The following IFI44L variants were observed in gnomAD, a reference collection of about 807,000 sequenced individuals.
The protein encoded by IFI44L is interferon-induced protein 44-like.
A neutral mutation model predicts 39.3 loss-of-function variants in IFI44L; 40 were observed. The observed-to-expected ratio is 1.02, with a 90% confidence interval of 0.79 to 1.33. The LOEUF (loss-of-function observed/expected upper bound fraction) is 1.33, where lower values mean the gene tolerates loss of function less well. Ranked by LOEUF, IFI44L falls within the 40% of genes most tolerant of loss-of-function variation. The pLI is 0.00. For synonymous variants in IFI44L, 198 were observed against 182.3 expected, an observed-to-expected ratio of 1.09 and a Z score of -0.69; for missense variants, 623 against 549.0, an observed-to-expected ratio of 1.13 and a Z score of -1.35.
In IFI44L at chr1:78,627,986, T is replaced by C. The variant is rs372018582; in HGVS notation, c.71T>C (p.Leu24Ser). 1 of 1,611,382 alleles carries C rather than the reference T, an allele frequency of 6.2e-7. No homozygotes were observed. Among genetic ancestry groups the C allele is most frequent in the Admixed American group, 1.7e-5 (1 of 59,560 alleles). The change falls in exon 2 of 9, where the codon TTG becomes TCG. Residue 24 changes from leucine to serine, a missense_variant. Transcript: ENST00000370751. The part of the protein sequence containing the change: ...HLRKLLGNVS[L>S]SLLYKSSVHG... ...CGCAAGCTGCTTGGAAATGTTTCTT[T>C]GAGTCTTCTCTATAAGTCTAGTGTT...
At position 78,642,170 on chromosome 1, in the gene IFI44L, C is replaced by T. The variant is rs1646994798; in HGVS notation, c.*361C>T. On this transcript the variant is annotated 3_prime_UTR_variant, in exon 9 of 9. Transcript: ENST00000370751. The stretch of plus-strand genomic sequence containing the variant: ...AGTTATAAAATTATTGTATAGACAT[C>T]TGCTTCTTAAACAGATTGTGAGTTC... The T allele has an allele frequency of 3.9e-6, 1 of 254,436 alleles. No individual in the cohort carries two copies. The highest frequency in any genetic ancestry group is 5.0e-5 in the Admixed American group (1 of 20,110). The allele number at this position is 254,436 out of a possible 1,614,324, so 15.8% of individuals were successfully genotyped here. A position where few individuals can be genotyped will look rare whatever the true frequency, so the allele number is the denominator to read the frequency against.
At chr1:78,622,567 C>T (rs114147615) in intron 1 of IFI44L, among the ~76,000 whole-genome samples, 2,428 of 152,050 alleles carry the variant, frequency 0.016, 63 homozygotes, top group African/African-American at 0.055. Flanking sequence ...TGTATAATCC[C>T]CCCTTGTCTG....
chr1:78,636,935 A>G, intron 5 of IFI44L, 97 bp from the exon 6 acceptor site: 2 of 842,818 alleles, frequency 2.4e-6, no homozygotes, highest in Non-Finnish European at 3.7e-6. Context: ...AGAAAGAGGG[A>G]GATCAGTAGT....
chr1:78,636,064 C>A (rs1652940328), intron 5 of IFI44L: 1 of 148,390 alleles, frequency 6.7e-6, no homozygotes, highest in African/African-American at 2.5e-5. Context: ...AGTTTAAGTT[C>A]TCAAAAAAGC....
Position 78,637,184 on chromosome 1 carries a change from C to T in IFI44L, c.1029C>T (p.His343=). The change falls in exon 6 of 9, where the codon CAC becomes CAT. Residue 343 remains histidine (H), a synonymous_variant. Transcript: ENST00000370751. ...SKMLAKVKQV[H]KEVLNCGIAY... Reference sequence around the variant, plus strand: ...TGTTGGCAAAAGTGAAGCAAGTTCACAAAGAAGTATTAAACTGTGGTGAGT... The same window carrying T: ...TGTTGGCAAAAGTGAAGCAAGTTCATAAAGAAGTATTAAACTGTGGTGAGT... 6.2e-7 allele frequency: 1 copy of T among 1,606,770 alleles called. No homozygotes were observed. The highest frequency in any genetic ancestry group is 1.3e-5 in the African/African-American group (1 of 74,358).
In IFI44L at chr1:78,645,288, T is replaced by C. The variant is rs1484846259; in HGVS notation, c.*3479T>C. On this transcript the variant is annotated 3_prime_UTR_variant, in exon 9 of 9. Coordinates refer to ENST00000370751, the MANE Select transcript of IFI44L (RefSeq NM_006820.4). ...AAGAATGTGTATTGTTCAGGACAAC[T>C]TGTCTCCATACAGTTGGGTTGTAAC... 6.6e-6 allele frequency: 1 copy of C among 152,190 alleles called. No homozygotes were observed. Among genetic ancestry groups the C allele is most frequent in the Non-Finnish European group, 1.5e-5 (1 of 68,036 alleles). The allele number at this position is 152,190 out of a possible 1,614,324, so 9.4% of individuals were successfully genotyped here.
chr1:78,626,981 C>G (rs1005151545), intron 1 of IFI44L: 1 of 151,898 alleles, frequency 6.6e-6, no homozygotes, highest in Non-Finnish European at 1.5e-5. Context: ...AAACTGTAGC[C>G]TAAGGGAAAG....
At chr1:78,633,260 G>A (rs1364581879) in intron 4 of IFI44L, among the ~76,000 whole-genome samples, 1 of 152,140 alleles carries the variant, frequency 6.6e-6, no homozygotes, top group Non-Finnish European at 1.5e-5. Flanking sequence ...CAGGCCTACT[G>A]CAGTAAAATC....
Position 78,628,024 on chromosome 1 carries a change from A to G in IFI44L, c.109A>G (p.Ile37Val), listed in dbSNP as rs1453655023. The part of the protein sequence containing the change: ...LYKSSVHGGS[I>V]EDMVERCSRQ... The stretch of plus-strand genomic sequence containing the variant: ...TAAGTCTAGTGTTCATGGAGGTAGC[A>G]TTGAAGATATGGTTGAAAGATGCAG... Residue 37 changes from isoleucine (I) to valine (V), a missense_variant, in exon 2 of 9, where the codon ATT (isoleucine) becomes GTT (valine). Transcript: ENST00000370751. 2 of 1,613,270 alleles carry G rather than the reference A, an allele frequency of 1.2e-6. No individual in the cohort carries two copies. Among genetic ancestry groups the G allele is most frequent in the Non-Finnish European group, 8.5e-7 (1 of 1,179,466 alleles).
rs545211386 is a variant in IFI44L at position 78,622,823 on chromosome 1, G to A, written c.-11+2252G>A. Among the ~76,000 whole-genome samples, 82 of 152,246 alleles carry A rather than the reference G, an allele frequency of 5.4e-4. No individual in the cohort carries two copies. In the South Asian group the frequency reaches 0.016, roughly 30 times the overall value. ...GGAGTTCTCATATCTACAACCATAAGGAACTGAATTCTGCTAACAACCATA... is the reference window on the plus strand; with the variant it reads ...GGAGTTCTCATATCTACAACCATAAAGAACTGAATTCTGCTAACAACCATA... On this transcript the variant is annotated intron_variant, in intron 1 of 8. Coordinates refer to ENST00000370751, the MANE Select transcript of IFI44L (RefSeq NM_006820.4).
chr1:78,636,822 A>G (rs1652965541), intron 5 of IFI44L: 1 of 456,400 alleles, frequency 2.2e-6, no homozygotes, highest in Non-Finnish European at 3.8e-6. Flanking sequence ...TACCAAAGCA[A>G]TAAAGTGTTT....
At chr1:78,633,319 C>T (rs976794785) in intron 4 of IFI44L, among the ~76,000 whole-genome samples, 8 of 152,282 alleles carry the variant, frequency 5.3e-5, no homozygotes, top group Admixed American at 1.3e-4. Context: ...TGTTATTTGA[C>T]GGCTGAGCCT....
At chr1:78,632,547 T>C (rs139503538) in intron 4 of IFI44L, among the ~76,000 whole-genome samples, 63 of 152,304 alleles carry the variant, frequency 4.1e-4, no homozygotes, top group African/African-American at 1.5e-3. Context: ...ACCAATGGAT[T>C]TAATGTGGCA....
rs1652686797 is a variant in IFI44L, at chr1:78,629,945, A to G, written c.723+30A>G. Reference sequence around the variant, plus strand: ...GTTATTTCCCTGAGGATTTTATTTTATAGATTACAATTATTATATTGCTTA... The same window carrying G: ...GTTATTTCCCTGAGGATTTTATTTTGTAGATTACAATTATTATATTGCTTA... On this transcript the variant is annotated intron_variant, in intron 4 of 8. Transcript: ENST00000370751. 3 of 1,558,546 alleles carry G rather than the reference A, an allele frequency of 1.9e-6. No individual in the cohort carries two copies. In the South Asian group the frequency reaches 3.4e-5, roughly 18 times the overall value.
rs1480100806 is a variant in IFI44L, at chr1:78,644,512, A to C, written c.*2703A>C. 6.6e-6 allele frequency: 1 copy of C among 152,140 alleles called. No homozygotes were observed. Among genetic ancestry groups the C allele is most frequent in the Non-Finnish European group, 1.5e-5 (1 of 68,026 alleles). The allele number at this position is 152,140 out of a possible 1,614,324, so 9.4% of individuals were successfully genotyped here. On this transcript the variant is annotated 3_prime_UTR_variant, in exon 9 of 9. Transcript: ENST00000370751. The stretch of plus-strand genomic sequence containing the variant: ...ATACATATTTGAAATTTAGGTTAGG[A>C]AATATTGGTGAGGAGGCCTCAAAAA...
At position 78,641,987 on chromosome 1, in the gene IFI44L, G is replaced by C. The variant is rs374749578; in HGVS notation, c.*178G>C. On this transcript the variant is annotated 3_prime_UTR_variant, in exon 9 of 9. Transcript: ENST00000370751. ...CCTGAGAAGCGGTGGGCTAAGATAG[G>C]TCCTACTGCAAACCACCCCTCCATA... The C allele has an allele frequency of 4.6e-5, 31 of 677,396 alleles. No individual in the cohort carries two copies. The African/African-American group carries it at 5.0e-4, about 11-fold the overall frequency. The allele number at this position is 677,396 out of a possible 1,614,324, so 42.0% of individuals were successfully genotyped here. A position where few individuals can be genotyped will look rare whatever the true frequency, so the allele number is the denominator to read the frequency against.
At chr1:78,626,385 C>T (rs891612388) in intron 1 of IFI44L, 4 of 151,924 alleles carry the variant, frequency 2.6e-5, no homozygotes, top group African/African-American at 9.7e-5. Flanking sequence ...GTGTTTGTTT[C>T]TAGTGTGTGC....
intron 1 of IFI44L, among the ~76,000 whole-genome samples, chr1:78,621,375 G>A (rs955019320): frequency 3.3e-5 from 5 of 152,124 alleles, no homozygotes; most frequent in African/African-American, 1.2e-4. Context: ...GGGTTCAAGG[G>A]ATTCTTGTGC....
chr1:78,642,598 A>G lies in IFI44L; in HGVS notation c.*789A>G. 1 of 151,916 alleles carries G rather than the reference A, an allele frequency of 6.6e-6. No homozygotes were observed. The allele number at this position is 151,916 out of a possible 1,614,324, so 9.4% of individuals were successfully genotyped here. On this transcript the variant is annotated 3_prime_UTR_variant, in exon 9 of 9. Coordinates refer to ENST00000370751, the MANE Select transcript of IFI44L (RefSeq NM_006820.4). The stretch of plus-strand genomic sequence containing the variant: ...AAACCAAATAAAACAAAACAAACAA[A>G]CGAAAAACAGAAAGGAAGACTGAAA...
Sources: gnomAD v4.1 joint callset for allele counts (sites outside exome capture counted in the v4.1 genomes callset) on GRCh38, gnomAD v4.1.1 for gene constraint, MANE v1.5 for transcripts, NCBI Gene and HGNC (gene_info 2026-07-23, HGNC 2026-07-21) for gene names.